RAB3GAP1: variants seen among roughly 807,000 people sequenced by gnomAD.
RAB3GAP1 encodes the protein rab3 GTPase-activating protein catalytic subunit.
RAB3GAP1 carries 86 observed loss-of-function variants against 130.7 expected under a neutral mutation model. That is an observed-to-expected ratio of 0.66 (90% CI 0.55 to 0.79). The LOEUF (loss-of-function observed/expected upper bound fraction) is 0.79. Ranked by LOEUF, RAB3GAP1 falls within the 30% of genes least tolerant of loss-of-function variation. The probability of loss-of-function intolerance (pLI) is 0.00; values close to 1 mark genes in which losing one functional copy is unlikely to be tolerated. For missense variants in RAB3GAP1, 1,029 were observed against 1,169.4 expected (o/e 0.88, Z 1.75); for synonymous variants, 367 against 401.7 (o/e 0.91, Z 1.03).
intron 11 of RAB3GAP1, 142 bp from the exon 12 acceptor site, chr2:135,129,853 T>A: frequency 1.5e-6 from 1 of 647,852 alleles, no homozygotes; most frequent in East Asian, 2.8e-5. Context: ...TAATTTTTGT[T>A]TTTTTCAATG....
intron 5 of RAB3GAP1, among the ~76,000 whole-genome samples, chr2:135,095,893 AT>A (rs1558773259): frequency 1.3e-5 from 2 of 152,180 alleles, no homozygotes; most frequent in Admixed American, 1.3e-4. Context: ...GTACAATAAG[AT>A]ATCTTGAGAG....
rs1300335242 is a variant in RAB3GAP1 at position 135,154,806 on chromosome 2, T to C, written c.2289+930T>C. On this transcript the variant is annotated intron_variant, in intron 19 of 23. Transcript: ENST00000264158. ...ACAAAGAAGGAGTGGATGGGAATGA[T>C]GAGAAAAAGGAAATAAGAGGGGAAA... Among the ~76,000 whole-genome samples the C allele has an allele frequency of 2.0e-5, 3 of 151,582 alleles. No individual in the cohort carries two copies. In the East Asian group the frequency reaches 5.8e-4, roughly 29 times the overall value.
intron 17 of RAB3GAP1, among the ~76,000 whole-genome samples, chr2:135,137,804 T>C (rs1270044960): frequency 6.6e-6 from 1 of 151,962 alleles, no homozygotes; most frequent in Admixed American, 6.6e-5. Flanking sequence ...TAGTTGTTTT[T>C]AAGGGTTTTG....
chr2:135,115,191 A>C, intron 6 of RAB3GAP1, 25 bp from the exon 7 acceptor site: 1 of 1,591,210 alleles, frequency 6.3e-7, no homozygotes, highest in Non-Finnish European at 8.6e-7. Flanking sequence ...CTTGTATTCC[A>C]TTCCTATTTA....
chr2:135,064,687 T>C (rs1689265318), intron 3 of RAB3GAP1, among the ~76,000 whole-genome samples: 1 of 151,286 alleles, frequency 6.6e-6, no homozygotes. Flanking sequence ...TTTCTGTTGA[T>C]TATGTTTTTT....
intron 5 of RAB3GAP1, among the ~76,000 whole-genome samples, chr2:135,105,790 CG>C (rs1690586113): frequency 6.6e-6 from 1 of 150,512 alleles, no homozygotes; most frequent in Non-Finnish European, 1.5e-5. Flanking sequence ...AAGTGAGGAG[CG>C]TCTCTGCCTG....
intron 15 of RAB3GAP1, 73 bp downstream of exon 15, chr2:135,134,106 T>C: frequency 2.6e-6 from 4 of 1,567,142 alleles, no homozygotes; most frequent in African/African-American, 1.3e-5. Context: ...TGACCTATTT[T>C]TTCCCCCTTC....
chr2:135,168,592 C>T lies in RAB3GAP1; in HGVS notation c.2757C>T (p.Ser919=), dbSNP rs1302415543. The T allele has an allele frequency of 1.9e-6, 3 of 1,614,154 alleles. No homozygotes were observed. Among genetic ancestry groups the T allele is most frequent in the Non-Finnish European group, 2.5e-6 (3 of 1,180,036 alleles). ...PPEEELKRMG[S]PEERRQNSVS... ...AGGAGGAATTGAAGAGAATGGGCTC[C>T]CCAGAGGAAAGAAGGCAGAACTCCG... is the stretch of plus-strand genomic sequence containing the variant. Residue 919 remains serine, a synonymous_variant, in exon 24 of 24, where the codon TCC becomes TCT. Coordinates refer to ENST00000264158, the MANE Select transcript of RAB3GAP1 (RefSeq NM_012233.3).
At chr2:135,134,295 G>A (rs960811482) in intron 15 of RAB3GAP1, among the ~76,000 whole-genome samples, 1 of 152,100 alleles carries the variant, frequency 6.6e-6, no homozygotes, top group African/African-American at 2.4e-5. Flanking sequence ...ATTGATTACA[G>A]TTTTTCCCCC....
intron 13 of RAB3GAP1, among the ~76,000 whole-genome samples, chr2:135,130,930 G>T (rs1428947986): frequency 6.6e-6 from 1 of 152,086 alleles, no homozygotes; most frequent in Non-Finnish European, 1.5e-5. Context: ...CTGGCAAGGG[G>T]GCTGTGAGAG....
intron 17 of RAB3GAP1, among the ~76,000 whole-genome samples, chr2:135,146,982 A>ACG (rs1212704827): frequency 1.3e-5 from 2 of 150,914 alleles, no homozygotes; most frequent in African/African-American, 2.5e-5. Context: ...ACACACACAC[A>ACG]CACACACACA....
At chr2:135,146,952 A>T (rs1692012992) in intron 17 of RAB3GAP1, among the ~76,000 whole-genome samples, 1 of 149,024 alleles carries the variant, frequency 6.7e-6, no homozygotes, top group Non-Finnish European at 1.5e-5. Flanking sequence ...TGATTATGTG[A>T]TTATTTCAAG....
intron 5 of RAB3GAP1, 43 bp downstream of exon 5, chr2:135,093,736 C>T (rs371457691): frequency 1.1e-5 from 16 of 1,404,830 alleles, no homozygotes; most frequent in South Asian, 3.5e-5. Flanking sequence ...ATGTGTGTTG[C>T]GGGGGACCTC....
chr2:135,052,877 G>T (rs180997750), intron 2 of RAB3GAP1, among the ~76,000 whole-genome samples: 1 of 152,342 alleles, frequency 6.6e-6, no homozygotes, highest in East Asian at 1.9e-4. Context: ...AGGTTGTGCC[G>T]CACCTCATCC....
chr2:135,175,553 T>C (rs1354960057), downstream of RAB3GAP1: 3 of 152,184 alleles, frequency 2.0e-5, no homozygotes, highest in East Asian at 3.8e-4. Flanking sequence ...AATATCCAAA[T>C]TGTATATGCT....
intron 3 of RAB3GAP1, among the ~76,000 whole-genome samples, chr2:135,062,054 TCTCA>T (rs1336523802): frequency 1.3e-5 from 2 of 151,802 alleles, no homozygotes; most frequent in African/African-American, 4.8e-5. Flanking sequence ...TGAGACAGAG[TCTCA>T]CTCTGTCACC....
chr2:135,159,082 C>T (rs1330537465), intron 19 of RAB3GAP1, among the ~76,000 whole-genome samples: 1 of 152,154 alleles, frequency 6.6e-6, no homozygotes, highest in African/African-American at 2.4e-5. Flanking sequence ...GATTGTAACT[C>T]AGAGTACAAA....
intron 5 of RAB3GAP1, among the ~76,000 whole-genome samples, chr2:135,106,823 A>G (rs184038826): frequency 3.0e-4 from 46 of 151,982 alleles, no homozygotes; most frequent in Middle Eastern, 3.4e-3. Flanking sequence ...GGAAAAACAA[A>G]TGTGAAGAAA....
At chr2:135,117,711 G>GCTTCTTCTTCTT (rs1321223336) in intron 7 of RAB3GAP1, among the ~76,000 whole-genome samples, 1 of 22,048 alleles carries the variant, frequency 4.5e-5, no homozygotes, top group Non-Finnish European at 1.1e-4. Flanking sequence ...TTCTGCTTCT[G>GCTTCTTCTTCTT]CTTCTTCTTC....
Sources: allele counts gnomAD v4.1 joint callset (sites outside exome capture counted in the v4.1 genomes callset), GRCh38; gene constraint gnomAD v4.1.1; transcripts MANE v1.5; gene names NCBI Gene and HGNC (gene_info 2026-07-23, HGNC 2026-07-21).